MYT1: variants seen among roughly 807,000 people sequenced by gnomAD.
MYT1 encodes myelin transcription factor 1.
MYT1 carries 23 observed loss-of-function variants against 123.0 expected under a neutral mutation model. The observed-to-expected ratio is 0.19, with a 90% CI of 0.13 to 0.26. MYT1 has a LOEUF of 0.26. Ranked by LOEUF, MYT1 falls within the 10% of genes least tolerant of loss-of-function variation. MYT1 has a pLI of 1.00. For missense variants in MYT1, 1,125 were observed against 1,472.5 expected (o/e 0.76, Z 3.86); for synonymous variants, 518 against 575.3 (o/e 0.90, Z 1.43).
chr20:64,211,212 C>A lies in MYT1; in HGVS notation c.1298C>A (p.Ser433Ter), dbSNP rs1983655973. 1 of 1,612,924 alleles carries A rather than the reference C, an allele frequency of 6.2e-7. No homozygotes were observed. Residue 433 changes from serine (S) to a stop codon, truncating the protein, a stop_gained, in exon 8 of 23, where the codon TCA (serine) becomes TAA (stop). Coordinates refer to ENST00000328439, the MANE Select transcript of MYT1 (RefSeq NM_004535.3). LOFTEE classifies it high-confidence loss of function. Reference protein sequence around the residue: ...VRKSYYSKDPSRAEKREIKCP... With the variant: ...VRKSYYSKDP ...TGTGACTTGTGTGTTTTAGATCCTT[C>A]AAGAGCTGAGAAGCGTGAGATCAAG...
chr20:64,220,100 C>A, intron 13 of MYT1, 118 bp downstream of exon 13: 2 of 1,386,838 alleles, frequency 1.4e-6, no homozygotes, highest in South Asian at 3.6e-5. Context: ...GGAAGAGCCT[C>A]GGGGAGCCAT....
chr20:64,221,309 C>A (rs1195799696), intron 13 of MYT1, among the ~76,000 whole-genome samples: 1 of 152,162 alleles, frequency 6.6e-6, no homozygotes, highest in South Asian at 2.1e-4. Flanking sequence ...GGAGGGACTA[C>A]GCCCTGCTTA....
chr20:64,204,233 A>T (rs189456059), intron 4 of MYT1, among the ~76,000 whole-genome samples: 2 of 152,192 alleles, frequency 1.3e-5, no homozygotes, highest in Admixed American at 6.5e-5. Flanking sequence ...TCATGCTCAG[A>T]AGTTTCCAGA....
rs1390166683 is a variant in MYT1, at chr20:64,208,479, A to G, written c.1283A>G (p.Tyr428Cys). 1.3e-6 allele frequency: 2 copies of G among 1,599,716 alleles called. No homozygotes were observed. Among genetic ancestry groups the G allele is most frequent in the Admixed American group, 1.7e-5 (1 of 59,372 alleles). ...KPLDTVRKSY[Y>C]SKDPSRAEKR... ...CTGGACACTGTGCGGAAGAGTTACT[A>G]CAGTAAAGGTAGGGCTCAGGGGTGG... The change falls in exon 7 of 23, where the codon TAC becomes TGC. Residue 428 changes from tyrosine to cysteine, a missense_variant. By Grantham distance (194) the Tyr-to-Cys change is radical. This residue lies in a region of MYT1 where 429 missense variants were observed against 604.1 expected (regional missense o/e 0.71). Coordinates refer to ENST00000328439, the MANE Select transcript of MYT1 (RefSeq NM_004535.3). This position sits in a 1 kb window ranked among gnomAD's most constrained non-coding sequence, Gnocchi z 5.4.
chr20:64,220,036 C>A (rs1044962473), intron 13 of MYT1, 54 bp downstream of exon 13: 1 of 1,429,914 alleles, frequency 7.0e-7, no homozygotes, highest in East Asian at 2.6e-5. Flanking sequence ...GCTTGCCCTG[C>A]CTGAGGCTGT....
intron 14 of MYT1, among the ~76,000 whole-genome samples, chr20:64,222,860 G>A (rs1984050391): frequency 6.6e-6 from 1 of 151,740 alleles, no homozygotes; most frequent in African/African-American, 2.4e-5. Context: ...CACAGCACAT[G>A]TGCGTCAGAG....
chr20:64,216,711 C>G (rs1983849039), intron 10 of MYT1, among the ~76,000 whole-genome samples: 1 of 152,226 alleles, frequency 6.6e-6, no homozygotes, highest in Admixed American at 6.5e-5. Flanking sequence ...CTGCCTGATA[C>G]TCACTCCAGT....
rs758372258 is a variant in MYT1, at chr20:64,203,475, C to G, written c.87-1560C>G. On this transcript the variant is annotated intron_variant, in intron 4 of 22. Coordinates refer to ENST00000328439, the MANE Select transcript of MYT1 (RefSeq NM_004535.3). This position sits in a 1 kb window ranked among gnomAD's most constrained non-coding sequence, Gnocchi z 5.1. ...TCAGTTTGGAAAGGGAGCCCCCAGT[C>G]GAGTGTGGTGTGCCCTCCCTCTCTC... 1.3e-5 allele frequency among the ~76,000 whole-genome samples: 2 copies of G among 152,130 alleles called. No homozygotes were observed. The highest frequency in any genetic ancestry group is 2.9e-5 in the Non-Finnish European group (2 of 67,988).
rs985096715 is a variant in MYT1, at chr20:64,190,671, A to G, written c.-1+511A>G. 6.0e-5 allele frequency among the ~76,000 whole-genome samples: 9 copies of G among 150,276 alleles called. No individual in the cohort carries two copies. Among genetic ancestry groups the G allele is most frequent in the Non-Finnish European group, 1.3e-4 (9 of 67,792 alleles). On this transcript the variant is annotated intron_variant, in intron 2 of 22. Transcript: ENST00000328439. The surrounding 1 kb of genome is among the most constrained non-coding windows in gnomAD (Gnocchi z 4.1). ...GCACTCCAGCCTGGGTGCAGATCTT[A>G]TCTCAGAAGTAAAGGGACTAGGAAT... is the stretch of plus-strand genomic sequence containing the variant.
chr20:64,227,723 G>C (rs572660227), intron 17 of MYT1, among the ~76,000 whole-genome samples, 165 bp from the exon 18 acceptor site: 3 of 152,302 alleles, frequency 2.0e-5, no homozygotes, highest in Admixed American at 6.5e-5. Context: ...TCGTGTGAAG[G>C]CTGTGTCTGT....
intron 16 of MYT1, among the ~76,000 whole-genome samples, chr20:64,226,063 C>T (rs1984162444): frequency 6.6e-6 from 1 of 152,230 alleles, no homozygotes; most frequent in Non-Finnish European, 1.5e-5. Flanking sequence ...TGAACCTGAG[C>T]TCTACCTGAT....
chr20:64,201,905 C>T (rs901049890), intron 4 of MYT1, among the ~76,000 whole-genome samples: 1 of 138,058 alleles, frequency 7.2e-6, no homozygotes, highest in Non-Finnish European at 1.6e-5. Context: ...CCCCGTGTGT[C>T]GGGAACCCCC....
chr20:64,182,833 C>T (rs531303799), intron 1 of MYT1, among the ~76,000 whole-genome samples: 2 of 152,308 alleles, frequency 1.3e-5, no homozygotes, highest in East Asian at 3.9e-4. Flanking sequence ...GCAAGAGTCC[C>T]CAGAGTGTCT....
At chr20:64,235,801 G>T (rs1984511891) in intron 19 of MYT1, among the ~76,000 whole-genome samples, 2 of 74,954 alleles carry the variant, frequency 2.7e-5, no homozygotes, top group Admixed American at 1.2e-4. Context: ...GGGTGACACT[G>T]GGCTGGCTGT....
intron 14 of MYT1, among the ~76,000 whole-genome samples, 165 bp from the exon 15 acceptor site, chr20:64,222,946 G>A (rs1035303201): frequency 7.9e-5 from 12 of 152,244 alleles, no homozygotes; most frequent in African/African-American, 2.7e-4. Context: ...GAAACTTCCA[G>A]CCTGAGAGGC....
chr20:64,204,401 C>T (rs1050716562), intron 4 of MYT1, among the ~76,000 whole-genome samples: 2 of 152,214 alleles, frequency 1.3e-5, no homozygotes, highest in African/African-American at 2.4e-5. Context: ...AAGTCTTCCA[C>T]GAGGCAGATG....
chr20:64,188,716 G>A lies in MYT1; in HGVS notation c.-98-1347G>A, dbSNP rs977195560. Among the ~76,000 whole-genome samples, 3 of 152,198 alleles carry A rather than the reference G, an allele frequency of 2.0e-5. No homozygotes were observed. In the East Asian group the frequency reaches 5.8e-4, roughly 29 times the overall value. On this transcript the variant is annotated intron_variant, in intron 1 of 22. Transcript: ENST00000328439. The stretch of plus-strand genomic sequence containing the variant: ...GCCCCAGTTAGAGGCCGCTCACACC[G>A]GCTCAGTGCAGATGACCAGTGGCAG...
intron 1 of MYT1, among the ~76,000 whole-genome samples, chr20:64,182,461 G>A (rs1472727706): frequency 1.3e-5 from 2 of 152,268 alleles, no homozygotes; most frequent in South Asian, 2.1e-4. Flanking sequence ...ACTGGCCGAG[G>A]TGGGAGGTGA....
chr20:64,220,070 G>T, intron 13 of MYT1, 88 bp downstream of exon 13: 1 of 1,403,146 alleles, frequency 7.1e-7, no homozygotes, highest in Non-Finnish European at 9.3e-7. Flanking sequence ...TTTCAAGGAA[G>T]CTTCTCCTCA....
Sources: allele counts gnomAD v4.1 joint callset (sites outside exome capture counted in the v4.1 genomes callset), GRCh38; gene constraint gnomAD v4.1.1; regional missense constraint gnomAD v4.1.1; non-coding constraint Gnocchi (gnomAD v3.1); transcripts MANE v1.5; gene names NCBI Gene and HGNC (gene_info 2026-07-23, HGNC 2026-07-21).